SLC25A36: variants seen among roughly 807,000 people sequenced by gnomAD.
SLC25A36 encodes epididymis secretory sperm binding protein.
A neutral mutation model predicts 35.3 loss-of-function variants in SLC25A36; 24 were observed. The observed-to-expected ratio is 0.68, with a 90% CI of 0.49 to 0.96. The LOEUF (loss-of-function observed/expected upper bound fraction) is 0.96. SLC25A36 is among the 40% of genes least tolerant of loss of function. The pLI is 0.00. For missense variants in SLC25A36, 294 were observed against 381.1 expected, an observed-to-expected ratio of 0.77 and a Z score of 1.90; for synonymous variants, 141 against 132.2, an observed-to-expected ratio of 1.07 and a Z score of -0.46.
intron 3 of SLC25A36, among the ~76,000 whole-genome samples, chr3:140,962,034 A>G (rs1005847211): frequency 2.0e-5 from 3 of 151,818 alleles, no homozygotes; most frequent in Non-Finnish European, 2.9e-5. Flanking sequence ...ACTTTCTTGT[A>G]ATTTGTCATT....
intron 1 of SLC25A36, among the ~76,000 whole-genome samples, chr3:140,943,334 CT>C (rs1337852724): frequency 6.6e-6 from 1 of 152,184 alleles, no homozygotes; most frequent in Non-Finnish European, 1.5e-5. Flanking sequence ...GATGGCAATA[CT>C]TTCTTTAGGT....
In SLC25A36 at chr3:140,956,664, T is replaced by C. The variant is rs185691977; in HGVS notation, c.179T>C (p.Val60Ala). ...TMAGASVNRV[V>A]SPGPLHCLKV... ...GCTGGAGCCAGTGTCAACCGAGTAG[T>C]GTCTCCCGGACCTCTTCATTGCCTA... The change falls in exon 2 of 7, where the codon GTG (valine) becomes GCG (alanine). Residue 60 changes from valine (V) to alanine (A), a missense_variant. Around this residue, in one of 2 missense-constraint regions of SLC25A36, gnomAD observed 185 missense variants for 201.5 expected, o/e 0.92. Transcript: ENST00000324194. The C allele has an allele frequency of 3.7e-4, 603 of 1,613,666 alleles. 4 individuals are homozygous for C. The East Asian group carries it at 0.012, about 32-fold the overall frequency.
chr3:140,971,139 G>A, intron 5 of SLC25A36, 146 bp downstream of exon 5: 3 of 535,630 alleles, frequency 5.6e-6, no homozygotes, highest in South Asian at 5.2e-5. Context: ...AAAAGATAAT[G>A]TAAGAGTTGA....
At chr3:140,953,770 A>G (rs1010145726) in intron 1 of SLC25A36, among the ~76,000 whole-genome samples, 1 of 152,178 alleles carries the variant, frequency 6.6e-6, no homozygotes, top group Non-Finnish European at 1.5e-5. Flanking sequence ...CAGTTTGTGC[A>G]ACATAGCAAG....
chr3:140,971,257 G>T (rs1934892716), intron 5 of SLC25A36, among the ~76,000 whole-genome samples: 1 of 152,080 alleles, frequency 6.6e-6, no homozygotes, highest in African/African-American at 2.4e-5. Context: ...AAACAGAAAG[G>T]AAAGAAAGAG....
chr3:140,956,894 C>A, intron 2 of SLC25A36: 3 of 829,604 alleles, frequency 3.6e-6, no homozygotes, highest in Non-Finnish European at 4.8e-6. Context: ...AATTTTACTT[C>A]CAAATCATGT....
intron 4 of SLC25A36, 44 bp from the exon 5 acceptor site, chr3:140,970,883 A>G (rs1441393464): frequency 2.3e-6 from 2 of 859,428 alleles, no homozygotes; most frequent in Non-Finnish European, 4.0e-6. Flanking sequence ...TTAATAGTGA[A>G]TTCTTCATTT....
At chr3:140,962,068 C>G (rs752418125) in intron 3 of SLC25A36, among the ~76,000 whole-genome samples, 1 of 150,652 alleles carries the variant, frequency 6.6e-6, no homozygotes, top group Non-Finnish European at 1.5e-5. Context: ...TGTGAATTGC[C>G]TATATATATT....
At chr3:140,963,426 A>G (rs373794748) in intron 4 of SLC25A36, 199 bp downstream of exon 4, 47 of 460,124 alleles carry the variant, frequency 1.0e-4, no homozygotes, top group Admixed American at 1.7e-4. Flanking sequence ...AGGAGTTTAC[A>G]TGCTAGGGTA....
At chr3:140,944,657 A>T (rs1261472282) in intron 1 of SLC25A36, among the ~76,000 whole-genome samples, 1 of 152,194 alleles carries the variant, frequency 6.6e-6, no homozygotes, top group South Asian at 2.1e-4. Context: ...TATTGTCTCA[A>T]ATAGGAGCTA....
chr3:140,962,662 G>A (rs1290978883), intron 3 of SLC25A36, among the ~76,000 whole-genome samples: 2 of 152,010 alleles, frequency 1.3e-5, no homozygotes, highest in Non-Finnish European at 2.9e-5. Context: ...TATATGTTAA[G>A]TGCTCATACC....
chr3:140,970,095 A>G (rs1161405715), intron 4 of SLC25A36, among the ~76,000 whole-genome samples: 1 of 151,942 alleles, frequency 6.6e-6, no homozygotes, highest in Non-Finnish European at 1.5e-5. Context: ...AAACATATGC[A>G]CTATCCTAGA....
chr3:140,953,597 C>G (rs1049178359), intron 1 of SLC25A36, among the ~76,000 whole-genome samples: 1 of 151,952 alleles, frequency 6.6e-6, no homozygotes, highest in African/African-American at 2.4e-5. Context: ...TAAAATCTAC[C>G]CTTTGTTAAA....
intron 1 of SLC25A36, among the ~76,000 whole-genome samples, chr3:140,955,831 A>G (rs1418700759): frequency 1.3e-5 from 2 of 152,158 alleles, no homozygotes; most frequent in African/African-American, 4.8e-5. Context: ...AGCCAGGACT[A>G]CATGCATGCC....
At position 140,976,442 on chromosome 3, in the gene SLC25A36, C is replaced by T; in HGVS notation, c.925C>T (p.Leu309Phe). The T allele has an allele frequency of 1.9e-6, 3 of 1,611,224 alleles. No individual in the cohort carries two copies. Among genetic ancestry groups the T allele is most frequent in the East Asian group, 4.5e-5 (2 of 44,844 alleles). ...MATYELVVYL[L>F]NG is the part of the protein sequence containing the mutation. The stretch of plus-strand genomic sequence containing the variant: ...CACCTATGAATTGGTGGTTTACCTA[C>T]TCAATGGATAGCAGCACGAGGACTG... The change falls in exon 7 of 7, where the codon CTC (leucine) becomes TTC (phenylalanine). Residue 309 changes from leucine (L) to phenylalanine (F), a missense_variant. Leu to Phe is a conservative substitution (Grantham distance 22, BLOSUM62 0). Coordinates refer to ENST00000324194, the MANE Select transcript of SLC25A36 (RefSeq NM_001104647.3).
At chr3:140,951,794 C>G (rs995312966) in intron 1 of SLC25A36, among the ~76,000 whole-genome samples, 4 of 151,988 alleles carry the variant, frequency 2.6e-5, no homozygotes, top group African/African-American at 9.7e-5. Flanking sequence ...CACGCCTGGC[C>G]TTATTTTTTT....
At chr3:140,969,824 AAT>A (rs1934856173) in intron 4 of SLC25A36, among the ~76,000 whole-genome samples, 1 of 151,916 alleles carries the variant, frequency 6.6e-6, no homozygotes, top group African/African-American at 2.4e-5. Context: ...ACTCATCTTA[AAT>A]GTACTGATCA....
At chr3:140,964,891 A>G (rs943657776) in intron 4 of SLC25A36, 1 of 151,886 alleles carries the variant, frequency 6.6e-6, no homozygotes, top group Non-Finnish European at 1.5e-5. Flanking sequence ...TCACATTGCA[A>G]AGAATTTCAG....
chr3:140,946,874 G>A (rs556030903), intron 1 of SLC25A36, among the ~76,000 whole-genome samples: 2 of 152,298 alleles, frequency 1.3e-5, no homozygotes, highest in Admixed American at 1.3e-4. Context: ...GATTGGACTA[G>A]GGATATATAT....
Sources: gnomAD v4.1 joint callset for allele counts (sites outside exome capture counted in the v4.1 genomes callset) on GRCh38, gnomAD v4.1.1 for gene constraint, gnomAD v4.1.1 regional missense constraint, MANE v1.5 for transcripts, NCBI Gene and HGNC (gene_info 2026-07-23, HGNC 2026-07-21) for gene names.